Variants in RNF10 observed in about 807,000 individuals in gnomAD.
RNF10 encodes the protein ring finger protein 10.
In RNF10, 38 loss-of-function variants were observed where a neutral mutation model predicts 91.4. The observed-to-expected ratio is 0.42, with a 90% CI of 0.32 to 0.54. The LOEUF is 0.54. Among genes scored for constraint, RNF10 ranks in the 20% least tolerant of loss-of-function variants. The pLI is 0.16. For synonymous variants in RNF10, 364 were observed against 366.3 expected (o/e 0.99, Z 0.07); for missense variants, 945 against 1,012.0 (o/e 0.93, Z 0.90).
chr12:120,542,583 C>CA (rs1411406114), intron 1 of RNF10, among the ~76,000 whole-genome samples: 1 of 152,132 alleles, frequency 6.6e-6, no homozygotes. Flanking sequence ...GACAGAGTCT[C>CA]ACTCTGCTGC....
chr12:120,546,985 T>A (rs549706011), intron 2 of RNF10, among the ~76,000 whole-genome samples: 7 of 152,310 alleles, frequency 4.6e-5, no homozygotes, highest in Admixed American at 4.6e-4. Flanking sequence ...AAATTTTTTT[T>A]AGGAGTTTCT....
chr12:120,535,415 T>A (rs1214957163), intron 1 of RNF10: 1 of 152,756 alleles, frequency 6.5e-6, no homozygotes, highest in East Asian at 1.9e-4. Context: ...GATCTCTTAT[T>A]TAATAACCTG....
chr12:120,561,629 G>C (rs1952492119), intron 7 of RNF10, among the ~76,000 whole-genome samples: 1 of 152,144 alleles, frequency 6.6e-6, no homozygotes, highest in African/African-American at 2.4e-5. Flanking sequence ...TTCTAGTGTG[G>C]TAGATAGAAC....
chr12:120,561,310 G>C (rs992006725), intron 7 of RNF10, among the ~76,000 whole-genome samples: 2 of 152,164 alleles, frequency 1.3e-5, no homozygotes, highest in Non-Finnish European at 2.9e-5. Context: ...GTATGCCTTA[G>C]GAGTACCTGA....
In RNF10 at chr12:120,562,267, C is replaced by CTTTTTT. The variant is rs1174061958; in HGVS notation, c.1129-675_1129-674insTTTTTT. Among the ~76,000 whole-genome samples the CTTTTTT allele has an allele frequency of 6.0e-3, 617 of 102,098 alleles. 12 individuals carry two copies. The highest frequency in any genetic ancestry group is 9.3e-3 in the Non-Finnish European group (464 of 49,632). 67.0% of individuals were successfully genotyped at this position (102,098 alleles called of 152,430 possible). On this transcript the variant is annotated intron_variant, in intron 7 of 16. Transcript: ENST00000325954. ...CGATATTTGGTTTTTCTTTTTCTTTCTTTCTTTTTTTTTTTTTTTTTTTTG... is the reference window on the plus strand; with the variant it reads ...CGATATTTGGTTTTTCTTTTTCTTTCTTTTTTTTTCTTTTTTTTTTTTTTTTTTTTG...
intron 1 of RNF10, among the ~76,000 whole-genome samples, chr12:120,537,998 T>C (rs144434374): frequency 6.6e-6 from 1 of 152,294 alleles, no homozygotes; most frequent in African/African-American, 2.4e-5. Context: ...TGCAGTGACT[T>C]CACGATGAGA....
Position 120,561,406 on chromosome 12 carries a change from G to A in RNF10, c.1128+520G>A, listed in dbSNP as rs1874822201. On this transcript the variant is annotated intron_variant, in intron 7 of 16. Transcript: ENST00000325954. ...TCTTGAAGCATCACAACCACTGGTT[G>A]TTAGGTCCCACTTTGAGATATTGAT... 2.6e-5 allele frequency among the ~76,000 whole-genome samples: 4 copies of A among 152,296 alleles called. No individual in the cohort carries two copies. The South Asian group carries it at 8.3e-4, about 32-fold the overall frequency.
At chr12:120,569,538 C>CTTTTTTTTTGTTTTT (rs1876286287) in intron 13 of RNF10, among the ~76,000 whole-genome samples, 1 of 115,240 alleles carries the variant, frequency 8.7e-6, no homozygotes, top group South Asian at 2.9e-4. Flanking sequence ...TGATATGCAT[C>CTTTTTTTTTGTTTTT]TTTTTTTTTT....
chr12:120,539,299 C>T (rs900451543), intron 1 of RNF10: 11 of 759,998 alleles, frequency 1.4e-5, no homozygotes, highest in Non-Finnish European at 2.2e-5. Context: ...TATAATCACA[C>T]TTAGCAAGCA....
Position 120,534,725 on chromosome 12 carries a change from G to A in RNF10, c.-87G>A, listed in dbSNP as rs1870470826. ...AAGGCCGAGAACCGCTGCCGCCGCC[G>A]ACCCCCGCCGGCCCTGAACGCCATG... On this transcript the variant is annotated 5_prime_UTR_variant, in exon 1 of 17. Transcript: ENST00000325954. The A allele has an allele frequency of 5.7e-6, 8 of 1,410,310 alleles. No individual in the cohort carries two copies. The highest frequency in any genetic ancestry group is 1.5e-5 in the African/African-American group (1 of 65,320). The allele number at this position is 1,410,310 out of a possible 1,614,324, so 87.4% of individuals were successfully genotyped here. A position where few individuals can be genotyped will look rare whatever the true frequency, so the allele number is the denominator to read the frequency against.
chr12:120,577,225 T>C lies in RNF10; in HGVS notation c.*559T>C, dbSNP rs1238502553. The C allele has an allele frequency of 2.2e-6, 1 of 452,698 alleles. No homozygotes were observed. Among genetic ancestry groups the C allele is most frequent in the South Asian group, 1.6e-5 (1 of 64,132 alleles). The allele number at this position is 452,698 out of a possible 1,614,324, so 28.0% of individuals were successfully genotyped here. ...CACATGGCCAGGCTGTGGTGCCAGC[T>C]TAATGGAGTAGGCTGTCCTTGGCAC... On this transcript the variant is annotated 3_prime_UTR_variant, in exon 17 of 17. Coordinates refer to ENST00000325954, the MANE Select transcript of RNF10 (RefSeq NM_014868.5).
Position 120,565,023 on chromosome 12 carries a change from T to C in RNF10, c.1666-49T>C, listed in dbSNP as rs745417589. The C allele has an allele frequency of 4.6e-6, 6 of 1,311,490 alleles. No homozygotes were observed. The South Asian group carries it at 5.9e-5, about 13-fold the overall frequency. The allele number at this position is 1,311,490 out of a possible 1,614,324, so 81.2% of individuals were successfully genotyped here. A position where few individuals can be genotyped will look rare whatever the true frequency, so the allele number is the denominator to read the frequency against. ...ATATCGGGGTTAGGACCCCCTGCTTTCAGAGTTAGGCTTGCTTTTGTTGAG... is the reference window on the plus strand; with the variant it reads ...ATATCGGGGTTAGGACCCCCTGCTTCCAGAGTTAGGCTTGCTTTTGTTGAG... On this transcript the variant is annotated intron_variant, in intron 10 of 16. Transcript: ENST00000325954.
chr12:120,567,415 C>A (rs1394661925), intron 13 of RNF10, among the ~76,000 whole-genome samples: 1 of 151,782 alleles, frequency 6.6e-6, no homozygotes, highest in East Asian at 1.9e-4. Context: ...ATGTTTCACA[C>A]CAGAAGGCCG....
intron 1 of RNF10, among the ~76,000 whole-genome samples, chr12:120,540,887 T>C (rs1190872706): frequency 6.6e-6 from 1 of 150,882 alleles, no homozygotes; most frequent in African/African-American, 2.4e-5. Flanking sequence ...AGAGTTTTGC[T>C]CTTGTTGCCC....
chr12:120,571,952 AT>A (rs1876692555), intron 14 of RNF10, among the ~76,000 whole-genome samples: 1 of 152,140 alleles, frequency 6.6e-6, no homozygotes, highest in African/African-American at 2.4e-5. Flanking sequence ...AATACTCAGC[AT>A]TCCTGCATTC....
chr12:120,534,865 C>G lies in RNF10; in HGVS notation c.54C>G (p.Asn18Lys), dbSNP rs773330892. ...AAATASDMDK[N>K]SGSNSSSASS... ...CCACCGCCTCCGACATGGACAAGAA[C>G]AGCGGCTCCAACAGCTCCTCCGCCT... The change falls in exon 1 of 17, where the codon AAC becomes AAG. Residue 18 changes from asparagine (N) to lysine (K), a missense_variant. Transcript: ENST00000325954. 9 of 1,608,364 alleles carry G rather than the reference C, an allele frequency of 5.6e-6. No individual in the cohort carries two copies. In the African/African-American group the frequency reaches 1.2e-4, roughly 21 times the overall value.
intron 12 of RNF10, among the ~76,000 whole-genome samples, chr12:120,566,439 G>A (rs1875714672): frequency 6.6e-6 from 1 of 152,148 alleles, no homozygotes; most frequent in African/African-American, 2.4e-5. Flanking sequence ...GGGTACGCAT[G>A]TGTGATGTCC....
At chr12:120,559,216 G>C (rs9888315) in intron 6 of RNF10, among the ~76,000 whole-genome samples, 105,642 of 131,294 alleles carry the variant, frequency 0.8, 42,291 homozygotes, top group Admixed American at 0.86. Context: ...GAGTCTTGCT[G>C]TGTTTCCCAG....
chr12:120,547,772 A>T (rs1238768305), intron 2 of RNF10, among the ~76,000 whole-genome samples: 1 of 152,136 alleles, frequency 6.6e-6, no homozygotes, highest in Non-Finnish European at 1.5e-5. Flanking sequence ...TGGGGCTTTG[A>T]AGGACTTTGG....
Sources: gnomAD v4.1 joint callset for allele counts (sites outside exome capture counted in the v4.1 genomes callset) on GRCh38, gnomAD v4.1.1 for gene constraint, MANE v1.5 for transcripts, NCBI Gene and HGNC (gene_info 2026-07-23, HGNC 2026-07-21) for gene names.